The following PYCR3 variants were observed in gnomAD, a reference collection of about 807,000 sequenced individuals.
PYCR3 encodes P5C reductase 3.
Under a neutral mutation model 23.4 loss-of-function variants are expected in PYCR3, and 26 were observed. The observed-to-expected ratio is 1.11, with a 90% CI of 0.81 to 1.54. The LOEUF (loss-of-function observed/expected upper bound fraction) is 1.54, where lower values mean the gene tolerates loss of function less well. Ranked by LOEUF, PYCR3 falls within the 40% of genes most tolerant of loss-of-function variation. PYCR3 has a pLI of 0.00. For synonymous variants in PYCR3, 194 were observed against 162.6 expected (o/e 1.19, Z -1.47); for missense variants, 360 against 376.3 (o/e 0.96, Z 0.36).
chr8:143,608,738 C>A, intron 1 of PYCR3: 1 of 443,290 alleles, frequency 2.3e-6, no homozygotes, highest in Non-Finnish European at 4.6e-6. Flanking sequence ...CTAAGCTCAA[C>A]ACTAGACATT....
intron 1 of PYCR3, 143 bp from the exon 2 acceptor site, chr8:143,608,269 G>A (rs996789614): frequency 7.9e-6 from 5 of 631,028 alleles, no homozygotes; most frequent in African/African-American, 7.4e-5. Context: ...AACCCAAAGC[G>A]GGATGCACCA....
Position 143,605,818 on chromosome 8 carries a change from G to A in PYCR3, c.707C>T (p.Thr236Ile), listed in dbSNP as rs749023234. 5.3e-5 allele frequency: 85 copies of A among 1,612,038 alleles called. No homozygotes were observed. Among genetic ancestry groups the A allele is most frequent in the Non-Finnish European group, 6.8e-5 (80 of 1,179,694 alleles). ...TCCATAGATGGTGGTGCCACCCGGGGTGCACACGTCTGAGCGCAGCTGGGC... is the reference window on the plus strand; with the variant it reads ...TCCATAGATGGTGGTGCCACCCGGGATGCACACGTCTGAGCGCAGCTGGGC... ...HPAQLRSDVC[T>I]PGGTTIYGLH... Residue 236 changes from threonine (T) to isoleucine (I), a missense_variant, in exon 6 of 6, where the codon ACC (threonine) becomes ATC (isoleucine). Physicochemically the swap from Thr to Ile is moderately conservative, Grantham distance 89 (BLOSUM62 -1). Coordinates refer to ENST00000495276, the MANE Select transcript of PYCR3 (RefSeq NM_023078.6).
chr8:143,606,365 A>C, intron 4 of PYCR3, 102 bp downstream of exon 4: 1 of 1,321,564 alleles, frequency 7.6e-7, no homozygotes, highest in Non-Finnish European at 1.1e-6. Context: ...GCAACCACGC[A>C]GGCCTCAAGG....
At position 143,605,815 on chromosome 8, in the gene PYCR3, G is replaced by A. The variant is rs756007883; in HGVS notation, c.710C>T (p.Pro237Leu). 1.7e-5 allele frequency: 28 copies of A among 1,611,836 alleles called. No individual in the cohort carries two copies. Among genetic ancestry groups the A allele is most frequent in the Middle Eastern group, 1.7e-4 (1 of 5,740 alleles). The change falls in exon 6 of 6, where the codon CCG becomes CTG. Residue 237 changes from proline to leucine, a missense_variant. By Grantham distance (98) the Pro-to-Leu change is moderately conservative (BLOSUM62 -3). Coordinates refer to ENST00000495276, the MANE Select transcript of PYCR3 (RefSeq NM_023078.6). ...GAGTCCATAGATGGTGGTGCCACCC[G>A]GGGTGCACACGTCTGAGCGCAGCTG... ...PAQLRSDVCT[P>L]GGTTIYGLHA...
intron 1 of PYCR3, 34 bp downstream of exon 1, chr8:143,609,424 T>C: frequency 6.8e-7 from 1 of 1,478,438 alleles, no homozygotes; most frequent in Non-Finnish European, 8.9e-7. Context: ...CTGCTCCCAC[T>C]CCAGACCGCA....
rs1829366659 is a variant in PYCR3, at chr8:143,605,462, G to A, written c.*238C>T. The A allele has an allele frequency of 3.7e-6, 2 of 538,696 alleles. No homozygotes were observed. Among genetic ancestry groups the A allele is most frequent in the Non-Finnish European group, 6.6e-6 (2 of 301,616 alleles). The allele number at this position is 538,696 out of a possible 1,614,324, so 33.4% of individuals were successfully genotyped here. A position where few individuals can be genotyped will look rare whatever the true frequency, so the allele number is the denominator to read the frequency against. Reference sequence around the variant, plus strand: ...CAGCAAGGTGGGCTCACTGCAGCAAGGGGCAGAGCCACCACCACGGTGCCT... The same window carrying A: ...CAGCAAGGTGGGCTCACTGCAGCAAAGGGCAGAGCCACCACCACGGTGCCT... On this transcript the variant is annotated 3_prime_UTR_variant, in exon 6 of 6. Transcript: ENST00000495276.
In PYCR3 at chr8:143,605,878, G is replaced by A. The variant is rs564010010; in HGVS notation, c.647C>T (p.Thr216Met). The A allele has an allele frequency of 2.4e-5, 39 of 1,604,222 alleles. No homozygotes were observed. Among genetic ancestry groups the A allele is most frequent in the African/African-American group, 8.0e-5 (6 of 74,864 alleles). Residue 216 changes from threonine (T) to methionine (M), a missense_variant, in exon 6 of 6, where the codon ACG becomes ATG. By Grantham distance (81) the Thr-to-Met change is moderately conservative (BLOSUM62 -1). Coordinates refer to ENST00000495276, the MANE Select transcript of PYCR3 (RefSeq NM_023078.6). ...GCCCTCGTGCAGCAGCATCTTGGCC[G>A]TCCCCTGAGGAGAGCGTTAGGGCCT... ...HRIAAQTLLGTAKMLLHEGQH... is the reference protein window; with the variant it reads ...HRIAAQTLLGMAKMLLHEGQH...
At chr8:143,609,373 G>T (rs1246950365) in intron 1 of PYCR3, 85 bp downstream of exon 1, 15 of 1,352,192 alleles carry the variant, frequency 1.1e-5, no homozygotes, top group Admixed American at 7.4e-5. Context: ...CTGGGCCCGC[G>T]CCCCCGGCCC....
rs1829301192 is a variant in PYCR3 at position 143,603,345 on chromosome 8, C to T, written c.*2355G>A. On this transcript the variant is annotated 3_prime_UTR_variant, in exon 6 of 6. Transcript: ENST00000495276. ...GAACATTGATCAAAGATACCGTAAT[C>T]ATATCCATCGTTTTCTGTCTTGAAG... 6.6e-6 allele frequency: 1 copy of T among 152,234 alleles called. No homozygotes were observed. Among genetic ancestry groups the T allele is most frequent in the Non-Finnish European group, 1.5e-5 (1 of 68,052 alleles). 9.4% of individuals were successfully genotyped at this position (152,234 alleles called of 1,614,324 possible). A position where few individuals can be genotyped will look rare whatever the true frequency, so the allele number is the denominator to read the frequency against.
In PYCR3 at chr8:143,607,046, C is replaced by A; in HGVS notation, c.243G>T (p.Leu81=). The A allele has an allele frequency of 6.2e-7, 1 of 1,613,280 alleles. No individual in the cohort carries two copies. Among genetic ancestry groups the A allele is most frequent in the Non-Finnish European group, 8.5e-7 (1 of 1,179,886 alleles). The change falls in exon 3 of 6, where the codon CTG becomes CTT. Residue 81 remains leucine, a synonymous_variant. Transcript: ENST00000495276. ...GAGCCACCTCTGCCAGGACAGCTGG[C>A]AGCACATGAGGCTTGGTGGCAAAGA... ...LVIFATKPHV[L]PAVLAEVAPV... is the part of the protein sequence containing the mutation.
chr8:143,609,533 G>C lies in PYCR3; in HGVS notation c.16C>G (p.Pro6Ala), dbSNP rs193920765. The change falls in exon 1 of 6, where the codon CCG becomes GCG. Residue 6 changes from proline (P) to alanine (A), a missense_variant. Pro to Ala is a conservative substitution (Grantham distance 27). Transcript: ENST00000495276. ...ACGAAGCCCACGCGCCGCGGAGACG[G>C]CTCCGCAGCTGCCATCTTGTTGCCT... MAAAE[P>A]SPRRVGFVGA... is the part of the protein sequence containing the mutation. The C allele has an allele frequency of 1.3e-6, 2 of 1,511,396 alleles. No individual in the cohort carries two copies. Among genetic ancestry groups the C allele is most frequent in the Non-Finnish European group, 1.8e-6 (2 of 1,137,552 alleles). 93.6% of individuals were successfully genotyped at this position (1,511,396 alleles called of 1,614,324 possible).
chr8:143,609,420 C>T, intron 1 of PYCR3, 38 bp downstream of exon 1: 1 of 1,468,942 alleles, frequency 6.8e-7, no homozygotes, highest in South Asian at 1.3e-5. Context: ...GGGGCTGCTC[C>T]CACTCCAGAC....
At chr8:143,609,147 G>C (rs1426115039) in intron 1 of PYCR3, among the ~76,000 whole-genome samples, 3 of 152,246 alleles carry the variant, frequency 2.0e-5, no homozygotes. Flanking sequence ...GTGTCTGGGG[G>C]AGAAGCCCTG....
rs3058417 is a variant in PYCR3, at chr8:143,603,896, C to CTTAT, written c.*1803_*1804insATAA. The stretch of plus-strand genomic sequence containing the variant: ...TCAACTTATGGGGCAGGCATTGGAC[C>CTTAT]TTCTTTTTTTTTTTTTCCAAGACAG... On this transcript the variant is annotated 3_prime_UTR_variant, in exon 6 of 6. Coordinates refer to ENST00000495276, the MANE Select transcript of PYCR3 (RefSeq NM_023078.6). 2.7e-5 allele frequency: 4 copies of CTTAT among 149,398 alleles called. No homozygotes were observed. The South Asian group carries it at 8.4e-4, about 31-fold the overall frequency. 9.3% of individuals were successfully genotyped at this position (149,398 alleles called of 1,614,324 possible). A position where few individuals can be genotyped will look rare whatever the true frequency, so the allele number is the denominator to read the frequency against.
At position 143,606,656 on chromosome 8, in the gene PYCR3, C is replaced by G; in HGVS notation, c.360G>C (p.Val120=). 1 of 1,601,312 alleles carries G rather than the reference C, an allele frequency of 6.2e-7. No homozygotes were observed. Among genetic ancestry groups the G allele is most frequent in the Non-Finnish European group, 8.5e-7 (1 of 1,175,064 alleles). The change falls in exon 4 of 6, where the codon GTG becomes GTC. Residue 120 remains valine (V), a synonymous_variant. Transcript: ENST00000495276. The part of the protein sequence containing the change: ...LEELLPPNTR[V]LRVLPNLPCV... ...AGGGCAGGTTGGGCAAGACCCGCAGCACCCGTGTGTTTGGGGGCAGCAGCT... is the reference window on the plus strand; with the variant it reads ...AGGGCAGGTTGGGCAAGACCCGCAGGACCCGTGTGTTTGGGGGCAGCAGCT...
chr8:143,605,276 C>T lies in PYCR3; in HGVS notation c.*424G>A, dbSNP rs944876554. 18 of 284,552 alleles carry T rather than the reference C, an allele frequency of 6.3e-5. No homozygotes were observed. Among genetic ancestry groups the T allele is most frequent in the Admixed American group, 9.8e-5 (2 of 20,372 alleles). 17.6% of individuals were successfully genotyped at this position (284,552 alleles called of 1,614,324 possible). A position where few individuals can be genotyped will look rare whatever the true frequency, so the allele number is the denominator to read the frequency against. ...GGCAGCCGGCCTGGCTGTAGCTGCA[C>T]GGAGCCACCTGGAAAGCCAAAGGCA... On this transcript the variant is annotated 3_prime_UTR_variant, in exon 6 of 6. Transcript: ENST00000495276.
In PYCR3 at chr8:143,605,584, G is replaced by A. The variant is rs746647260; in HGVS notation, c.*116C>T. ...TGCCCCCTGCATTTCCCTGTGCAAGGGGAGAAGGAGCAGTAGGAGACCCTC... is the reference window on the plus strand; with the variant it reads ...TGCCCCCTGCATTTCCCTGTGCAAGAGGAGAAGGAGCAGTAGGAGACCCTC... On this transcript the variant is annotated 3_prime_UTR_variant, in exon 6 of 6. Transcript: ENST00000495276. 67 of 976,528 alleles carry A rather than the reference G, an allele frequency of 6.9e-5. No homozygotes were observed. Among genetic ancestry groups the A allele is most frequent in the South Asian group, 1.2e-4 (7 of 60,036 alleles). The allele number at this position is 976,528 out of a possible 1,614,324, so 60.5% of individuals were successfully genotyped here.
Position 143,606,453 on chromosome 8 carries a change from G to A in PYCR3, c.549+14C>T, listed in dbSNP as rs200744168. Reference sequence around the variant, plus strand: ...GCCGAGGGTGGGGCCGGGGATGGACGAGGCAATACTCACGAAGGCCACGCC... The same window carrying A: ...GCCGAGGGTGGGGCCGGGGATGGACAAGGCAATACTCACGAAGGCCACGCC... On this transcript the variant is annotated intron_variant, in intron 4 of 5. Coordinates refer to ENST00000495276, the MANE Select transcript of PYCR3 (RefSeq NM_023078.6). 1.5e-5 allele frequency: 24 copies of A among 1,611,452 alleles called. No homozygotes were observed. In the Admixed American group the frequency reaches 2.7e-4, roughly 18 times the overall value.
Position 143,604,732 on chromosome 8 carries a change from G to T in PYCR3, c.*968C>A, listed in dbSNP as rs958746543. ...CCCTAGAACCCTAGCCTTCAATCCTGGGGGTTTGCTTCTCCCCTGAGTCCT... is the reference window on the plus strand; with the variant it reads ...CCCTAGAACCCTAGCCTTCAATCCTTGGGGTTTGCTTCTCCCCTGAGTCCT... On this transcript the variant is annotated 3_prime_UTR_variant, in exon 6 of 6. Transcript: ENST00000495276. 14 of 376,412 alleles carry T rather than the reference G, an allele frequency of 3.7e-5. No homozygotes were observed. Among genetic ancestry groups the T allele is most frequent in the Non-Finnish European group, 6.8e-5 (13 of 192,242 alleles). The allele number at this position is 376,412 out of a possible 1,614,324, so 23.3% of individuals were successfully genotyped here.
Sources: gnomAD v4.1 joint callset for allele counts (sites outside exome capture counted in the v4.1 genomes callset) on GRCh38, gnomAD v4.1.1 for gene constraint, MANE v1.5 for transcripts, NCBI Gene and HGNC (gene_info 2026-07-23, HGNC 2026-07-21) for gene names.